Variants in PKD2L2 observed in about 807,000 individuals in gnomAD.
The protein encoded by PKD2L2 is polycystin 2 like 2, transient receptor potential cation channel, also known as polycystin-2-like protein 2.
PKD2L2 carries 67 observed loss-of-function variants against 83.9 expected under a neutral mutation model. The ratio of observed to expected loss-of-function variants is 0.80; its 90% CI spans 0.66 to 0.98. The LOEUF (loss-of-function observed/expected upper bound fraction) is 0.98, where lower values mean the gene tolerates loss of function less well. Ranked by LOEUF, PKD2L2 falls within the 50% of genes least tolerant of loss-of-function variation. PKD2L2 has a pLI of 0.00. For missense variants in PKD2L2, 632 were observed against 717.2 expected (o/e 0.88, Z 1.36); for synonymous variants, 223 against 237.8 (o/e 0.94, Z 0.57).
intron 8 of PKD2L2, among the ~76,000 whole-genome samples, chr5:137,920,891 C>A (rs1259643480): frequency 6.6e-6 from 1 of 152,042 alleles, no homozygotes; most frequent in Admixed American, 6.5e-5. Flanking sequence ...TTGGTTAAGA[C>A]AAAAATTCAC....
At chr5:137,903,922 A>G (rs1757160410) in intron 5 of PKD2L2, among the ~76,000 whole-genome samples, 1 of 151,950 alleles carries the variant, frequency 6.6e-6, no homozygotes, top group African/African-American at 2.4e-5. Context: ...ACACCCAGCT[A>G]CTTTTTGTAT....
Position 137,935,858 on chromosome 5 carries a change from C to A in PKD2L2, c.1733C>A (p.Ser578Tyr). Residue 578 changes from serine to tyrosine, a missense_variant, in exon 13 of 15, where the codon TCT (serine) becomes TAT (tyrosine). Physicochemically the swap from Ser to Tyr is moderately radical, Grantham distance 144 (BLOSUM62 -2). This residue lies in a region of PKD2L2 where 399 missense variants were observed against 416.9 expected (regional missense o/e 0.96). Transcript: ENST00000508883. ...WKERLEKKYY[S>Y]MEIQDDYQPV... ...GAGAGGCTTGAGAAAAAGTATTATTCTATGGAAATTCAAGATGACTACCAG... is the reference window on the plus strand; with the variant it reads ...GAGAGGCTTGAGAAAAAGTATTATTATATGGAAATTCAAGATGACTACCAG... The A allele has an allele frequency of 6.2e-7, 1 of 1,611,406 alleles. No homozygotes were observed. The highest frequency in any genetic ancestry group is 2.2e-5 in the East Asian group (1 of 44,866).
chr5:137,903,584 A>C (rs769970558), intron 5 of PKD2L2, among the ~76,000 whole-genome samples: 4 of 152,208 alleles, frequency 2.6e-5, no homozygotes, highest in Non-Finnish European at 4.4e-5. Flanking sequence ...TATCGAGACT[A>C]AATGATAGCT....
At chr5:137,925,951 T>A in intron 12 of PKD2L2, 22 bp downstream of exon 12, 1 of 1,413,996 alleles carries the variant, frequency 7.1e-7, no homozygotes, top group Non-Finnish European at 1.0e-6. Context: ...ATTTTTTTCA[T>A]AAACACTAGT....
At position 137,921,665 on chromosome 5, in the gene PKD2L2, A is replaced by T; in HGVS notation, c.1358A>T (p.Asp453Val). ...GCACAATTTCGAATTGTTCTTGGAG[A>T]TTTTAATTTTGCTGGTATTCAGCAA... Reference protein sequence around the residue: ...IFAQFRIVLGDFNFAGIQQAN... With the variant: ...IFAQFRIVLGVFNFAGIQQAN... The change falls in exon 9 of 15, where the codon GAT (aspartate) becomes GTT (valine). Residue 453 changes from aspartate (D) to valine (V), a missense_variant. By Grantham distance (152) the Asp-to-Val change is radical. This residue lies in a region of PKD2L2 where 399 missense variants were observed against 416.9 expected (regional missense o/e 0.96). Coordinates refer to ENST00000508883, the MANE Select transcript of PKD2L2 (RefSeq NM_001300921.2). 6.3e-7 allele frequency: 1 copy of T among 1,597,636 alleles called. No individual in the cohort carries two copies. Among genetic ancestry groups the T allele is most frequent in the South Asian group, 1.1e-5 (1 of 88,756 alleles).
chr5:137,919,187 T>C (rs925936191), intron 8 of PKD2L2, among the ~76,000 whole-genome samples: 3 of 152,200 alleles, frequency 2.0e-5, no homozygotes, highest in Admixed American at 6.5e-5. Context: ...GAGAACTCTA[T>C]CTAAAGTTAA....
Position 137,925,905 on chromosome 5 carries a change from CAGAAG to C in PKD2L2, c.1653_1657del (p.Glu552LeufsTer2). 1 of 1,596,712 alleles carries C rather than the reference CAGAAG, an allele frequency of 6.3e-7. No individual in the cohort carries two copies. The highest frequency in any genetic ancestry group is 8.6e-7 in the Non-Finnish European group (1 of 1,166,580). On this transcript the variant is annotated frameshift_variant, in exon 12 of 15. Coordinates refer to ENST00000508883, the MANE Select transcript of PKD2L2 (RefSeq NM_001300921.2). LOFTEE classifies it high-confidence loss of function. ...GCAGCGGAGATTTGGCTGAACAAGC[CAGAAG>C]AGAAGGCTTTGACGAAAATGTAAGA...
At chr5:137,908,713 G>A in intron 7 of PKD2L2, 52 bp from the exon 8 acceptor site, 1 of 839,320 alleles carries the variant, frequency 1.2e-6, no homozygotes, top group East Asian at 2.8e-5. Context: ...TTTATTCTAA[G>A]TAATTTCATC....
rs773941341 is a variant in PKD2L2, at chr5:137,925,052, G to A, written c.1564G>A (p.Val522Ile). 50 of 1,594,464 alleles carry A rather than the reference G, an allele frequency of 3.1e-5. No homozygotes were observed. The highest frequency in any genetic ancestry group is 4.1e-5 in the Non-Finnish European group (48 of 1,162,492). ...GKMIKQSYKN[V>I]LEKFRLKKAQ... ...AAATTATGCCCAGAGTTACAAAAAT[G>A]TTCTCGAGAAATTCAGACTGAAGAA... Residue 522 changes from valine (V) to isoleucine (I), a missense_variant, in exon 11 of 15, where the codon GTT becomes ATT. Coordinates refer to ENST00000508883, the MANE Select transcript of PKD2L2 (RefSeq NM_001300921.2).
intron 12 of PKD2L2, among the ~76,000 whole-genome samples, chr5:137,932,302 C>G (rs1180099799): frequency 6.6e-6 from 1 of 151,606 alleles, no homozygotes; most frequent in Non-Finnish European, 1.5e-5. Context: ...GAGCCAAGAT[C>G]ACGCCACTGC....
intron 14 of PKD2L2, chr5:137,938,087 A>G (rs528300795): frequency 2.9e-4 from 44 of 152,340 alleles, no homozygotes; most frequent in African/African-American, 1.0e-3. Context: ...TTTTATTTGT[A>G]CCAAAGTAAA....
intron 8 of PKD2L2, among the ~76,000 whole-genome samples, chr5:137,917,764 G>C (rs979796929): frequency 6.6e-6 from 1 of 152,130 alleles, no homozygotes; most frequent in South Asian, 2.1e-4. Context: ...CTCAGAGAGC[G>C]TATCTACTAG....
chr5:137,934,524 T>C (rs781218563), intron 12 of PKD2L2, among the ~76,000 whole-genome samples: 7 of 152,074 alleles, frequency 4.6e-5, no homozygotes, highest in African/African-American at 1.4e-4. Context: ...TATGTTCGTT[T>C]AAGGCTGGGC....
chr5:137,904,887 A>G (rs1049540894), intron 5 of PKD2L2, among the ~76,000 whole-genome samples: 3 of 152,196 alleles, frequency 2.0e-5, no homozygotes, highest in Admixed American at 2.0e-4. Flanking sequence ...GGAGAGTGAA[A>G]CACACCATGG....
rs1757492930 is a variant in PKD2L2 at position 137,907,919 on chromosome 5, A to T, written c.1146+7A>T. On this transcript the variant is annotated splice_region_variant and intron_variant, in intron 7 of 14. Coordinates refer to ENST00000508883, the MANE Select transcript of PKD2L2 (RefSeq NM_001300921.2). Reference sequence around the variant, plus strand: ...CTTTTTTGCATGGATAAAGGTATTTATATTTCATTATATTACATAATACAA... The same window carrying T: ...CTTTTTTGCATGGATAAAGGTATTTTTATTTCATTATATTACATAATACAA... The T allele has an allele frequency of 8.8e-7, 1 of 1,132,992 alleles. No individual in the cohort carries two copies. Among genetic ancestry groups the T allele is most frequent in the African/African-American group, 1.6e-5 (1 of 64,000 alleles). The allele number at this position is 1,132,992 out of a possible 1,614,324, so 70.2% of individuals were successfully genotyped here. A position where few individuals can be genotyped will look rare whatever the true frequency, so the allele number is the denominator to read the frequency against.
chr5:137,892,089 A>C (rs759013423), intron 2 of PKD2L2, among the ~76,000 whole-genome samples: 2 of 152,216 alleles, frequency 1.3e-5, no homozygotes, highest in African/African-American at 2.4e-5. Flanking sequence ...AAGAGATACT[A>C]TCCCTGTGAT....
intron 4 of PKD2L2, 120 bp from the exon 5 acceptor site, chr5:137,899,396 C>T (rs1756762848): frequency 8.9e-6 from 6 of 672,190 alleles, no homozygotes; most frequent in Middle Eastern, 5.6e-4. Context: ...GGATTACAGG[C>T]ATGAGCCAGC....
At chr5:137,896,340 A>T (rs1366185031) in intron 4 of PKD2L2, among the ~76,000 whole-genome samples, 1 of 152,008 alleles carries the variant, frequency 6.6e-6, no homozygotes, top group Non-Finnish European at 1.5e-5. Context: ...TCTGGTATAT[A>T]CTTTGTCTTT....
intron 5 of PKD2L2, among the ~76,000 whole-genome samples, chr5:137,904,779 TTTAA>T (rs1364979069): frequency 5.9e-5 from 9 of 152,190 alleles, no homozygotes; most frequent in African/African-American, 2.2e-4. Flanking sequence ...AAAAATTTAC[TTTAA>T]ATCAGTGAGC....
Sources: gnomAD v4.1 joint callset for allele counts (sites outside exome capture counted in the v4.1 genomes callset) on GRCh38, gnomAD v4.1.1 for gene constraint, gnomAD v4.1.1 regional missense constraint, MANE v1.5 for transcripts, NCBI Gene and HGNC (gene_info 2026-07-23, HGNC 2026-07-21) for gene names.